The following ZC2HC1A variants were observed in gnomAD, a reference collection of about 807,000 sequenced individuals.
ZC2HC1A encodes zinc finger C2HC-type containing 1A.
A neutral mutation model predicts 40.7 loss-of-function variants in ZC2HC1A; 28 were observed. The observed-to-expected ratio is 0.69, with a 90% confidence interval of 0.51 to 0.94. The LOEUF (loss-of-function observed/expected upper bound fraction) is 0.94, where lower values mean the gene tolerates loss of function less well. ZC2HC1A is among the 40% of genes least tolerant of loss of function. The pLI is 0.00. For missense variants in ZC2HC1A, 389 were observed against 386.3 expected (o/e 1.01, Z -0.06); for synonymous variants, 129 against 129.2 (o/e 1.00, Z 0.01).
intron 1 of ZC2HC1A, among the ~76,000 whole-genome samples, chr8:78,669,526 G>C (rs1223143184): frequency 4.9e-5 from 7 of 143,558 alleles, no homozygotes; most frequent in African/African-American, 1.8e-4. Flanking sequence ...AGCCAAGAGA[G>C]AAAGGACTTT....
At chr8:78,709,381 A>G (rs1405161999) in intron 7 of ZC2HC1A, among the ~76,000 whole-genome samples, 1 of 152,214 alleles carries the variant, frequency 6.6e-6, no homozygotes, top group Non-Finnish European at 1.5e-5. Flanking sequence ...TGTGTGTGAA[A>G]TGAATTTGTG....
chr8:78,677,795 C>A (rs1256673856), intron 2 of ZC2HC1A, among the ~76,000 whole-genome samples: 1 of 151,990 alleles, frequency 6.6e-6, no homozygotes, highest in Admixed American at 6.6e-5. Context: ...CAATTTAGGG[C>A]GAGTTCGCAG....
intron 3 of ZC2HC1A, among the ~76,000 whole-genome samples, chr8:78,682,798 T>G (rs534641380): frequency 6.6e-6 from 1 of 152,316 alleles, no homozygotes; most frequent in Admixed American, 6.5e-5. Flanking sequence ...GCAAGTTTCT[T>G]CTGCCTGTGA....
intron 1 of ZC2HC1A, among the ~76,000 whole-genome samples, chr8:78,674,232 ATAGT>A (rs1809511001): frequency 6.6e-6 from 1 of 152,104 alleles, no homozygotes; most frequent in Non-Finnish European, 1.5e-5. Context: ...ATTTTTGTCA[ATAGT>A]TAATTTTTAT....
In ZC2HC1A at chr8:78,715,312, G is replaced by A; in HGVS notation, c.796G>A (p.Glu266Lys). Residue 266 changes from glutamate to lysine, a missense_variant, in exon 8 of 9, where the codon GAG (glutamate) becomes AAG (lysine). Transcript: ENST00000263849. Reference protein sequence around the residue: ...VLTNKRKTYTESYIARPDGDC... With the variant: ...VLTNKRKTYTKSYIARPDGDC... The stretch of plus-strand genomic sequence containing the variant: ...TACAAACAAAAGAAAAACATATACT[G>A]AGAGCTACATAGCCAGGTATGTTTA... 6.2e-7 allele frequency: 1 copy of A among 1,613,158 alleles called. No homozygotes were observed. Among genetic ancestry groups the A allele is most frequent in the Non-Finnish European group, 8.5e-7 (1 of 1,179,652 alleles).
chr8:78,692,593 AAGTGT>A (rs918077800), intron 5 of ZC2HC1A, among the ~76,000 whole-genome samples: 31 of 152,108 alleles, frequency 2.0e-4, no homozygotes, highest in African/African-American at 7.5e-4. Flanking sequence ...AAGGAGGTCT[AAGTGT>A]AGGTGGTTAA....
intron 2 of ZC2HC1A, 64 bp downstream of exon 2, chr8:78,675,927 C>A: frequency 7.1e-7 from 1 of 1,408,974 alleles, no homozygotes; most frequent in South Asian, 1.2e-5. Context: ...TAATTCTGGT[C>A]AATTCTCATG....
chr8:78,685,859 AT>A (rs1209880007), intron 3 of ZC2HC1A: 1 of 152,254 alleles, frequency 6.6e-6, no homozygotes, highest in East Asian at 1.9e-4. Context: ...AAACTGGATA[AT>A]TTATAAAGAA....
chr8:78,681,182 G>A (rs1055355535), intron 3 of ZC2HC1A, among the ~76,000 whole-genome samples: 3 of 152,048 alleles, frequency 2.0e-5, no homozygotes, highest in Admixed American at 1.3e-4. Context: ...CAACAGAGAG[G>A]AGAGCTGCTA....
At chr8:78,698,979 A>G (rs1370575485) in intron 7 of ZC2HC1A, among the ~76,000 whole-genome samples, 1 of 152,182 alleles carries the variant, frequency 6.6e-6, no homozygotes, top group Non-Finnish European at 1.5e-5. Flanking sequence ...CTTTGACTGT[A>G]AACACTGGAC....
At chr8:78,690,384 C>A (rs1221284995) in intron 5 of ZC2HC1A, among the ~76,000 whole-genome samples, 1 of 152,094 alleles carries the variant, frequency 6.6e-6, no homozygotes, top group Non-Finnish European at 1.5e-5. Context: ...CACGGTGAAA[C>A]CCCGTCTCTA....
At chr8:78,715,408 A>G in intron 8 of ZC2HC1A, 80 bp downstream of exon 8, 2 of 1,280,460 alleles carry the variant, frequency 1.6e-6, no homozygotes, top group African/African-American at 1.5e-5. Context: ...CACAAAAGTA[A>G]GTAACAAGCT....
intron 8 of ZC2HC1A, among the ~76,000 whole-genome samples, 185 bp from the exon 9 acceptor site, chr8:78,717,143 T>G (rs754378980): frequency 6.6e-6 from 1 of 151,908 alleles, no homozygotes; most frequent in Non-Finnish European, 1.5e-5. Context: ...ATAAATATAA[T>G]GTTAAAAAAA....
At position 78,688,754 on chromosome 8, in the gene ZC2HC1A, G is replaced by A. The variant is rs546298634; in HGVS notation, c.353-468G>A. 5.1e-3 allele frequency among the ~76,000 whole-genome samples: 780 copies of A among 152,128 alleles called. 1 individual carries two copies. Among genetic ancestry groups the A allele is most frequent in the Non-Finnish European group, 8.9e-3 (608 of 67,940 alleles). On this transcript the variant is annotated intron_variant, in intron 4 of 8. Coordinates refer to ENST00000263849, the MANE Select transcript of ZC2HC1A (RefSeq NM_016010.3). ...TTTTAAGAGAAAATAGCACTTTAAA[G>A]ATAAGTAAACTATTTCTTGACAGTT...
Position 78,711,816 on chromosome 8 carries a change from T to C in ZC2HC1A, c.705-3405T>C, listed in dbSNP as rs1810958779. ...AATTTTCAGACCTAATAATGGACAT[T>C]GTATGAACTCTCTGAGGATTCTTTT... On this transcript the variant is annotated intron_variant, in intron 7 of 8. Coordinates refer to ENST00000263849, the MANE Select transcript of ZC2HC1A (RefSeq NM_016010.3). Among the ~76,000 whole-genome samples the C allele has an allele frequency of 2.0e-5, 3 of 152,220 alleles. No homozygotes were observed. The East Asian group carries it at 5.8e-4, about 29-fold the overall frequency.
At chr8:78,685,559 T>G (rs1809942407) in intron 3 of ZC2HC1A, among the ~76,000 whole-genome samples, 1 of 152,202 alleles carries the variant, frequency 6.6e-6, no homozygotes, top group Admixed American at 6.5e-5. Flanking sequence ...AAACAATTAC[T>G]AGAAATTATT....
At position 78,697,335 on chromosome 8, in the gene ZC2HC1A, G is replaced by C. The variant is rs142930491; in HGVS notation, c.505-72G>C. ...AAATCCTAAACCCAAAGAATGTTAAGTTTTGAACCACTACTTTACAATCCA... is the reference window on the plus strand; with the variant it reads ...AAATCCTAAACCCAAAGAATGTTAACTTTTGAACCACTACTTTACAATCCA... On this transcript the variant is annotated intron_variant, in intron 5 of 8. Coordinates refer to ENST00000263849, the MANE Select transcript of ZC2HC1A (RefSeq NM_016010.3). 3.2e-6 allele frequency: 4 copies of C among 1,249,744 alleles called. No homozygotes were observed. In the African/African-American group the frequency reaches 6.1e-5, roughly 19 times the overall value. 77.4% of individuals were successfully genotyped at this position (1,249,744 alleles called of 1,614,324 possible).
intron 5 of ZC2HC1A, among the ~76,000 whole-genome samples, chr8:78,694,283 CTTG>C (rs1305313369): frequency 3.7e-5 from 3 of 80,256 alleles, no homozygotes; most frequent in African/African-American, 1.0e-4. Flanking sequence ...GGATATGTTC[CTTG>C]TTTTTTTTTT....
chr8:78,714,106 C>T (rs1222545624), intron 7 of ZC2HC1A, among the ~76,000 whole-genome samples: 4 of 152,128 alleles, frequency 2.6e-5, no homozygotes, highest in Admixed American at 2.0e-4. Flanking sequence ...GTTCATATAA[C>T]ACTGTTCACC....
Sources: gnomAD v4.1 joint callset for allele counts (sites outside exome capture counted in the v4.1 genomes callset) on GRCh38, gnomAD v4.1.1 for gene constraint, MANE v1.5 for transcripts, NCBI Gene and HGNC (gene_info 2026-07-23, HGNC 2026-07-21) for gene names.